Variants in ULBP1 observed in about 807,000 individuals in gnomAD.
ULBP1 encodes UL16-binding protein 1.
A neutral mutation model predicts 25.3 loss-of-function variants in ULBP1; 28 were observed. That is an observed-to-expected ratio of 1.10 (90% CI 0.82 to 1.51). The LOEUF is 1.51. ULBP1 is among the 40% of genes most tolerant of loss of function. ULBP1 has a pLI of 0.00. For missense variants in ULBP1, 348 were observed against 290.9 expected, an observed-to-expected ratio of 1.20 and a Z score of -1.43; for synonymous variants, 129 against 103.0, an observed-to-expected ratio of 1.25 and a Z score of -1.53.
rs1021113894 is a variant in ULBP1, at chr6:149,963,965, G to C, written c.-85G>C. On this transcript the variant is annotated 5_prime_UTR_variant, in exon 1 of 5. Transcript: ENST00000229708. ...AGTGTATCCCTGCGCGCGGCGGGCC[G>C]GGCTGGGCAGCTTTATAAACAGCCG... The C allele has an allele frequency of 1.4e-6, 2 of 1,418,894 alleles. No individual in the cohort carries two copies. The highest frequency in any genetic ancestry group is 2.0e-6 in the Non-Finnish European group (2 of 1,024,560). 87.9% of individuals were successfully genotyped at this position (1,418,894 alleles called of 1,614,324 possible).
chr6:149,971,215 C>A (rs1191836887), intron 4 of ULBP1, among the ~76,000 whole-genome samples, 154 bp from the exon 5 acceptor site: 3 of 152,094 alleles, frequency 2.0e-5, no homozygotes, highest in Non-Finnish European at 4.4e-5. Flanking sequence ...GAGGTTGGAA[C>A]AGGGTACAGA....
intron 3 of ULBP1, 44 bp downstream of exon 3, chr6:149,969,404 C>A: frequency 6.3e-7 from 1 of 1,596,352 alleles, no homozygotes. Flanking sequence ...GAGTTCAGAT[C>A]TTATCAGCTG....
At position 149,970,099 on chromosome 6, in the gene ULBP1, C is replaced by T. The variant is rs766873621; in HGVS notation, c.709C>T (p.Leu237Phe). The T allele has an allele frequency of 3.1e-6, 5 of 1,612,194 alleles. No homozygotes were observed. Among genetic ancestry groups the T allele is most frequent in the African/African-American group, 1.3e-5 (1 of 75,040 alleles). Residue 237 changes from leucine (L) to phenylalanine (F), a missense_variant, in exon 4 of 5, where the codon CTC becomes TTC. By Grantham distance (22) the Leu-to-Phe change is conservative (BLOSUM62 0). Coordinates refer to ENST00000229708, the MANE Select transcript of ULBP1 (RefSeq NM_025218.4). The stretch of plus-strand genomic sequence containing the variant: ...TCCCTGGAGCCTTCTCATCATCTTC[C>T]TCTGCTTCATTCTAGCTGGCAGATG... The part of the protein sequence containing the change: ...LSPWSLLIIF[L>F]CFILAGR
At chr6:149,967,921 TC>T (rs1779232565) in intron 1 of ULBP1, among the ~76,000 whole-genome samples, 1 of 152,110 alleles carries the variant, frequency 6.6e-6, no homozygotes, top group African/African-American at 2.4e-5. Flanking sequence ...CCTCCAGTCA[TC>T]CCATGAGCAC....
At chr6:149,968,537 T>C (rs1450143854) in intron 1 of ULBP1, 70 bp from the exon 2 acceptor site, 6 of 1,545,206 alleles carry the variant, frequency 3.9e-6, no homozygotes, top group Non-Finnish European at 5.2e-6. Flanking sequence ...GCAGTCACCA[T>C]AAGTGGGAGG....
chr6:149,964,182 G>C, intron 1 of ULBP1, 48 bp downstream of exon 1: 1 of 1,605,176 alleles, frequency 6.2e-7, no homozygotes, highest in Non-Finnish European at 8.5e-7. Flanking sequence ...AAACCTGGGA[G>C]GTTGTGGACT....
chr6:149,969,314 G>T lies in ULBP1; in HGVS notation c.579G>T (p.Trp193Cys), dbSNP rs1352198469. ...QKISLGDCKMWLEEFLMYWEQ... is the reference protein window; with the variant it reads ...QKISLGDCKMCLEEFLMYWEQ... ...TTTCACTGGGGGATTGTAAGATGTG[G>T]CTTGAAGAATTTTTGATGTACTGGG... Residue 193 changes from tryptophan to cysteine, a missense_variant, in exon 3 of 5, where the codon TGG becomes TGT. Transcript: ENST00000229708. 4 of 1,614,142 alleles carry T rather than the reference G, an allele frequency of 2.5e-6. No individual in the cohort carries two copies. Among genetic ancestry groups the T allele is most frequent in the Non-Finnish European group, 3.4e-6 (4 of 1,179,942 alleles).
At chr6:149,964,749 AC>A (rs1386286196) in intron 1 of ULBP1, among the ~76,000 whole-genome samples, 1 of 143,980 alleles carries the variant, frequency 6.9e-6, no homozygotes, top group Non-Finnish European at 1.5e-5. Context: ...TTCTGGTAGC[AC>A]CGGCGCGATG....
rs546542504 is a variant in ULBP1 at position 149,964,103 on chromosome 6, G to C, written c.54G>C (p.Leu18=). The change falls in exon 1 of 5, where the codon CTG becomes CTC. Residue 18 remains leucine, a synonymous_variant. Coordinates refer to ENST00000229708, the MANE Select transcript of ULBP1 (RefSeq NM_025218.4). ...TTCTGTGCCTCCCGCTTCTGCACCT[G>C]CTGTCTGGCTGGTCCCGGGCAGGAT... ...AFLLCLPLLH[L]LSGWSRAGWV... is the part of the protein sequence containing the mutation. 1 of 1,614,208 alleles carries C rather than the reference G, an allele frequency of 6.2e-7. No homozygotes were observed. The highest frequency in any genetic ancestry group is 1.7e-5 in the Admixed American group (1 of 60,028).
chr6:149,971,456 C>T lies in ULBP1; in HGVS notation c.*110C>T. ...GGCCGCCTGTCTACTCACCACTGTG[C>T]CTTTCTGGAAAGCAGGAGTTCAAGC... On this transcript the variant is annotated 3_prime_UTR_variant, in exon 5 of 5. Transcript: ENST00000229708. 1 of 958,700 alleles carries T rather than the reference C, an allele frequency of 1.0e-6. No individual in the cohort carries two copies. The highest frequency in any genetic ancestry group is 1.2e-6 in the Non-Finnish European group (1 of 806,352). 59.4% of individuals were successfully genotyped at this position (958,700 alleles called of 1,614,324 possible). A position where few individuals can be genotyped will look rare whatever the true frequency, so the allele number is the denominator to read the frequency against.
chr6:149,969,432 C>CGT (rs148314777), intron 3 of ULBP1, 72 bp downstream of exon 3: 202 of 1,548,394 alleles, frequency 1.3e-4, no homozygotes, highest in African/African-American at 5.0e-4. Context: ...TGTGTGAGTG[C>CGT]GTGTGTGTGT....
chr6:149,970,861 G>A (rs1779303498), intron 4 of ULBP1, among the ~76,000 whole-genome samples: 2 of 152,378 alleles, frequency 1.3e-5, no homozygotes, highest in South Asian at 4.1e-4. Flanking sequence ...GGGGAGCTGA[G>A]CTGCTGCTGG....
intron 1 of ULBP1, among the ~76,000 whole-genome samples, chr6:149,967,703 A>C (rs1194021599): frequency 6.6e-6 from 1 of 151,998 alleles, no homozygotes; most frequent in Non-Finnish European, 1.5e-5. Context: ...TATTTACATC[A>C]TTGCACCCTC....
rs1011916415 is a variant in ULBP1, at chr6:149,973,282, T to C, written c.*1936T>C. 1 of 152,142 alleles carries C rather than the reference T, an allele frequency of 6.6e-6. No homozygotes were observed. Among genetic ancestry groups the C allele is most frequent in the African/African-American group, 2.4e-5 (1 of 41,428 alleles). The allele number at this position is 152,142 out of a possible 1,614,324, so 9.4% of individuals were successfully genotyped here. On this transcript the variant is annotated 3_prime_UTR_variant, in exon 5 of 5. Coordinates refer to ENST00000229708, the MANE Select transcript of ULBP1 (RefSeq NM_025218.4). ...GGAAAGTGGCAGCTAAACATTAAAT[T>C]CGCATGAACCACAGATGCTGGAGAT...
At chr6:149,967,432 T>G (rs1562494004) in intron 1 of ULBP1, among the ~76,000 whole-genome samples, 1 of 152,228 alleles carries the variant, frequency 6.6e-6, no homozygotes, top group Non-Finnish European at 1.5e-5. Flanking sequence ...GGGCTCTCCT[T>G]CTAGCAATGG....
In ULBP1 at chr6:149,970,145, C is replaced by T. The variant is rs199590950; in HGVS notation, c.*20C>T. The T allele has an allele frequency of 2.8e-4, 438 of 1,586,014 alleles. No individual in the cohort carries two copies. The highest frequency in any genetic ancestry group is 8.3e-4 in the Middle Eastern group (5 of 6,026). On this transcript the variant is annotated splice_region_variant and 3_prime_UTR_variant, in exon 4 of 5. Transcript: ENST00000229708. ...AGATGAGGAGAGTTGTTTAGAGTGA[C>T]AGGTACTGTGGGCAATATTGGGAGG...
In ULBP1 at chr6:149,969,170, A is replaced by G; in HGVS notation, c.435A>G (p.Gly145=). ...GATCTTGGCAGTTCCTCTTCAATGG[A>G]CAGAAGTTCCTCCTCTTTGACTCAA... ...GRGSWQFLFN[G]QKFLLFDSNN... is the part of the protein sequence containing the mutation. Residue 145 remains glycine, a synonymous_variant, in exon 3 of 5, where the codon GGA becomes GGG. Coordinates refer to ENST00000229708, the MANE Select transcript of ULBP1 (RefSeq NM_025218.4). The G allele has an allele frequency of 1.2e-6, 2 of 1,614,264 alleles. No homozygotes were observed. Among genetic ancestry groups the G allele is most frequent in the Non-Finnish European group, 1.7e-6 (2 of 1,180,050 alleles).
chr6:149,966,679 G>A (rs370828073), intron 1 of ULBP1, among the ~76,000 whole-genome samples: 1 of 152,150 alleles, frequency 6.6e-6, no homozygotes, highest in South Asian at 2.1e-4. Flanking sequence ...TATTCCTAAT[G>A]ACCTAAAGGG....
At position 149,971,863 on chromosome 6, in the gene ULBP1, A is replaced by G. The variant is rs543808124; in HGVS notation, c.*517A>G. 2.0e-5 allele frequency: 3 copies of G among 152,296 alleles called. No homozygotes were observed. The East Asian group carries it at 5.8e-4, about 29-fold the overall frequency. The allele number at this position is 152,296 out of a possible 1,614,324, so 9.4% of individuals were successfully genotyped here. On this transcript the variant is annotated 3_prime_UTR_variant, in exon 5 of 5. Transcript: ENST00000229708. ...TTTACAGTTTCTCATTCTGTCAACC[A>G]TATTGAAGTGAAGTGGCATAGTCTT... is the stretch of plus-strand genomic sequence containing the variant.
Sources: gnomAD v4.1 joint callset for allele counts (sites outside exome capture counted in the v4.1 genomes callset) on GRCh38, gnomAD v4.1.1 for gene constraint, MANE v1.5 for transcripts, NCBI Gene and HGNC (gene_info 2026-07-23, HGNC 2026-07-21) for gene names.